The following PCDHGA4 variants were observed in gnomAD, a reference collection of about 807,000 sequenced individuals.
PCDHGA4 encodes protocadherin gamma-A4.
In PCDHGA4, 38 loss-of-function variants were observed where a neutral mutation model predicts 54.6. The ratio of observed to expected loss-of-function variants is 0.70; its 90% confidence interval spans 0.54 to 0.91. The LOEUF is 0.91. Among genes scored for constraint, PCDHGA4 ranks in the 40% least tolerant of loss-of-function variants. The pLI is 0.00. For missense variants in PCDHGA4, 1,298 were observed against 1,220.9 expected (o/e 1.06, Z -0.94); for synonymous variants, 511 against 512.9 (o/e 1.00, Z 0.05).
chr5:141,480,381 C>T (rs1018981416), intron 1 of PCDHGA4, among the ~76,000 whole-genome samples: 2 of 151,926 alleles, frequency 1.3e-5, no homozygotes, highest in Non-Finnish European at 2.9e-5. Context: ...CACCACTACA[C>T]TTCAACCATG....
intron 1 of PCDHGA4, chr5:141,388,760 G>T: frequency 6.2e-7 from 1 of 1,613,930 alleles, no homozygotes; most frequent in Non-Finnish European, 8.5e-7. Flanking sequence ...AATTTGACCT[G>T]AACTCTAACA....
rs888556794 is a variant in PCDHGA4 at position 141,493,414 on chromosome 5, A to T, written c.2515-1393A>T. Among the ~76,000 whole-genome samples, 2 of 152,058 alleles carry T rather than the reference A, an allele frequency of 1.3e-5. No individual in the cohort carries two copies. Among genetic ancestry groups the T allele is most frequent in the Admixed American group, 6.6e-5 (1 of 15,248 alleles). ...GGAGAGGGGAGTTGCCTCTGCTGGG[A>T]TTTTGCTTCTGCTGGGATGGGGCAA... On this transcript the variant is annotated intron_variant, in intron 1 of 3. Coordinates refer to ENST00000571252, the MANE Select transcript of PCDHGA4 (RefSeq NM_018917.4). The surrounding 1 kb of genome is among the most constrained non-coding windows in gnomAD (Gnocchi z 4.3).
chr5:141,397,695 C>T lies in PCDHGA4; in HGVS notation c.2514+40074C>T, dbSNP rs146807025. ...AATGTATGCAGGTTTGTATAAAAAC[C>T]CAACGTGATATTTCTAACAATTTGG... On this transcript the variant is annotated intron_variant, in intron 1 of 3. Coordinates refer to ENST00000571252, the MANE Select transcript of PCDHGA4 (RefSeq NM_018917.4). 1.4e-3 allele frequency among the ~76,000 whole-genome samples: 211 copies of T among 152,210 alleles called. 1 individual carries two copies. Among genetic ancestry groups the T allele is most frequent in the African/African-American group, 4.7e-3 (197 of 41,534 alleles).
At chr5:141,366,313 C>T (rs1764486391) in intron 1 of PCDHGA4, 1 of 1,613,760 alleles carries the variant, frequency 6.2e-7, no homozygotes, top group Non-Finnish European at 8.5e-7. Context: ...TCACGGTCAC[C>T]GTTGCCGTGG....
chr5:141,402,108 A>T (rs2094226699), intron 1 of PCDHGA4, among the ~76,000 whole-genome samples: 1 of 152,218 alleles, frequency 6.6e-6, no homozygotes, highest in African/African-American at 2.4e-5. Context: ...CAATTACAAA[A>T]ATGTGAAAAT....
rs1029237740 is a variant in PCDHGA4, at chr5:141,500,358, A to G, written c.2574-5035A>G. ...AGAATAGCTGGGACTACAGGCGCCC[A>G]CTACCACGCCCGGCTAATTATTTTG... On this transcript the variant is annotated intron_variant, in intron 2 of 3. Coordinates refer to ENST00000571252, the MANE Select transcript of PCDHGA4 (RefSeq NM_018917.4). Among the ~76,000 whole-genome samples, 5 of 151,706 alleles carry G rather than the reference A, an allele frequency of 3.3e-5. No homozygotes were observed. In the South Asian group the frequency reaches 6.3e-4, roughly 19 times the overall value.
In PCDHGA4 at chr5:141,487,762, T is replaced by C; in HGVS notation, c.2515-7045T>C. 6.5e-7 allele frequency: 1 copy of C among 1,545,432 alleles called. No homozygotes were observed. The highest frequency in any genetic ancestry group is 8.8e-7 in the Non-Finnish European group (1 of 1,142,332). ...TAAGAGGTAACTATGTGGTAGACGC[T>C]GTGCTTTGTAACTGTTTCGTGAATT... On this transcript the variant is annotated intron_variant, in intron 1 of 3. Coordinates refer to ENST00000571252, the MANE Select transcript of PCDHGA4 (RefSeq NM_018917.4). The surrounding 1 kb of genome is among the most constrained non-coding windows in gnomAD (Gnocchi z 5.0).
intron 1 of PCDHGA4, among the ~76,000 whole-genome samples, chr5:141,472,688 A>G (rs970538300): frequency 2.0e-5 from 3 of 151,384 alleles, no homozygotes; most frequent in African/African-American, 7.3e-5. Context: ...CATTTCCCCT[A>G]GAAATAAGTG....
intron 1 of PCDHGA4, chr5:141,372,314 G>A (rs369724462): frequency 7.7e-5 from 125 of 1,613,460 alleles, no homozygotes; most frequent in Non-Finnish European, 1.0e-4. Context: ...CCGCCCGCCA[G>A]CGCCTGCTGG....
intron 1 of PCDHGA4, chr5:141,384,717 C>A (rs575459465): frequency 6.8e-6 from 11 of 1,614,166 alleles, no homozygotes; most frequent in Non-Finnish European, 9.3e-6. Context: ...GGCTGTCATA[C>A]CTCCTGCTTA....
At chr5:141,360,877 A>T (rs1025291723) in intron 1 of PCDHGA4, 1 of 1,613,942 alleles carries the variant, frequency 6.2e-7, no homozygotes, top group Non-Finnish European at 8.5e-7. Context: ...GGACGTGTAC[A>T]GGGTCACCCT....
intron 1 of PCDHGA4, chr5:141,383,127 C>T (rs1778840587): frequency 3.7e-6 from 6 of 1,614,054 alleles, no homozygotes; most frequent in Non-Finnish European, 4.2e-6. Flanking sequence ...AGCTTTTCGC[C>T]CTGAACCAGC....
chr5:141,418,294 C>G, intron 1 of PCDHGA4: 1 of 1,613,988 alleles, frequency 6.2e-7, no homozygotes. Flanking sequence ...TCAGTGAATC[C>G]GTCAGCCTGG....
chr5:141,459,068 A>G (rs1278498678), intron 1 of PCDHGA4, among the ~76,000 whole-genome samples: 1 of 152,226 alleles, frequency 6.6e-6, no homozygotes, highest in African/African-American at 2.4e-5. Flanking sequence ...TATATAACAT[A>G]AAATTTGCCT....
intron 1 of PCDHGA4, chr5:141,367,354 C>A (rs991967780): frequency 2.6e-5 from 4 of 151,972 alleles, no homozygotes; most frequent in African/African-American, 9.7e-5. Flanking sequence ...CTGGCTAACA[C>A]GGTGAAACCC....
intron 1 of PCDHGA4, chr5:141,423,131 A>G (rs370773437): frequency 1.9e-6 from 3 of 1,613,538 alleles, no homozygotes; most frequent in Admixed American, 1.7e-5. Context: ...GCACTGCTGG[A>G]CAGAGACGCG....
At position 141,489,924 on chromosome 5, in the gene PCDHGA4, C is replaced by G. The variant is rs755286650; in HGVS notation, c.2515-4883C>G. ...CAGCCCGCTCAGGGACCACCCTTAT[C>G]TCTGTCATCGTGCTGGACATCAATG... is the stretch of plus-strand genomic sequence containing the variant. On this transcript the variant is annotated intron_variant, in intron 1 of 3. Transcript: ENST00000571252. This position sits in a 1 kb window ranked among gnomAD's most constrained non-coding sequence, Gnocchi z 4.5. 22 of 1,614,226 alleles carry G rather than the reference C, an allele frequency of 1.4e-5. No homozygotes were observed. The highest frequency in any genetic ancestry group is 1.9e-5 in the Non-Finnish European group (22 of 1,180,030).
chr5:141,497,003 A>C (rs928317358), intron 2 of PCDHGA4, among the ~76,000 whole-genome samples: 2 of 152,148 alleles, frequency 1.3e-5, no homozygotes, highest in African/African-American at 4.8e-5. Context: ...CTGGCAGCCA[A>C]CATGGTGAAA....
chr5:141,465,520 G>C (rs2099104807), intron 1 of PCDHGA4, among the ~76,000 whole-genome samples: 1 of 152,144 alleles, frequency 6.6e-6, no homozygotes, highest in Non-Finnish European at 1.5e-5. Flanking sequence ...GAAGGATTCT[G>C]GGGAAGTTTT....
Sources: allele counts gnomAD v4.1 joint callset (sites outside exome capture counted in the v4.1 genomes callset), GRCh38; gene constraint gnomAD v4.1.1; non-coding constraint Gnocchi (gnomAD v3.1); transcripts MANE v1.5; gene names NCBI Gene and HGNC (gene_info 2026-07-23, HGNC 2026-07-21).